Variants in ZC4H2 observed in about 807,000 individuals in gnomAD.
ZC4H2 encodes zinc finger C4H2 domain-containing protein.
For synonymous variants in ZC4H2, 84 were observed against 66.3 expected, an observed-to-expected ratio of 1.27 and a Z score of -1.30; for missense variants, 137 against 173.9, an observed-to-expected ratio of 0.79 and a Z score of 1.19.
At chrX:64,936,529 T>A (rs1248570962) in intron 1 of ZC4H2, among the ~76,000 whole-genome samples, 1 of 111,572 alleles carries the variant, frequency 9.0e-6, no homozygotes, top group African/African-American at 3.3e-5. Flanking sequence ...GAGAGAAAGG[T>A]CGGGTTACCC....
Position 64,951,382 on chromosome X carries a change from T to G in ZC4H2, c.53+24943A>C, listed in dbSNP as rs770307721. Among the ~76,000 whole-genome samples, 194 of 111,848 alleles carry G rather than the reference T, an allele frequency of 1.7e-3. 1 individual carries two copies. The highest frequency in any genetic ancestry group is 6.0e-3 in the African/African-American group (185 of 30,700). ...ATCCCTGAGGAATCGCCACACTGAC[T>G]TCCACAACGGTTGAACTAGTTTACA... On this transcript the variant is annotated intron_variant, in intron 1 of 4. Transcript: ENST00000374839.
At chrX:65,000,214 T>C (rs1366675593) in intron 1 of ZC4H2, among the ~76,000 whole-genome samples, 1 of 111,584 alleles carries the variant, frequency 9.0e-6, no homozygotes, top group African/African-American at 3.3e-5. Flanking sequence ...ATCTGGTGGG[T>C]GCCCCTCTAG....
chrX:64,992,770 G>A (rs769928058), intron 1 of ZC4H2, among the ~76,000 whole-genome samples: 21 of 111,224 alleles, frequency 1.9e-4, no homozygotes, highest in African/African-American at 6.2e-4. Context: ...ATCAAGGCTC[G>A]TCATTCTCCA....
chrX:64,954,238 C>A (rs1161680643), intron 1 of ZC4H2, among the ~76,000 whole-genome samples: 1 of 98,219 alleles, frequency 1.0e-5, no homozygotes, highest in East Asian at 3.1e-4. Context: ...TTAATGGGTG[C>A]AGCACACCTA....
At chrX:64,931,949 G>C (rs1186249300) in intron 1 of ZC4H2, among the ~76,000 whole-genome samples, 1 of 111,733 alleles carries the variant, frequency 8.9e-6, no homozygotes, top group Non-Finnish European at 1.9e-5. Flanking sequence ...TGTAAGTATA[G>C]TATTGAAGTC....
intron 1 of ZC4H2, among the ~76,000 whole-genome samples, chrX:64,927,602 GTGTCTTTATAGTACAATGATT>G (rs1278034559): frequency 8.9e-6 from 1 of 112,158 alleles, no homozygotes; most frequent in Non-Finnish European, 1.9e-5. Flanking sequence ...ATGTGTGCAT[GTGTCTTTATAGTACAATGATT>G]TATAATCCTT....
chrX:64,924,772 T>C (rs780592096), intron 1 of ZC4H2, among the ~76,000 whole-genome samples: 1 of 110,733 alleles, frequency 9.0e-6, no homozygotes, highest in East Asian at 2.9e-4. Context: ...TTAAAGGAAC[T>C]GAGTGAAGAG....
intron 1 of ZC4H2, among the ~76,000 whole-genome samples, chrX:64,946,370 A>G (rs1364143560): frequency 9.0e-6 from 1 of 110,833 alleles, no homozygotes; most frequent in Non-Finnish European, 1.9e-5. Flanking sequence ...GGTCCTTTGC[A>G]CTTCCTGGGT....
chrX:64,948,133 TTC>T (rs1184340022), intron 1 of ZC4H2, among the ~76,000 whole-genome samples: 1 of 111,383 alleles, frequency 9.0e-6, no homozygotes, highest in Non-Finnish European at 1.9e-5. Context: ...CTTGGTTAAG[TTC>T]TCTTTTGGGT....
intron 1 of ZC4H2, among the ~76,000 whole-genome samples, chrX:64,961,301 T>C (rs187300484): frequency 2.0e-4 from 22 of 111,926 alleles, no homozygotes; most frequent in Admixed American, 6.6e-4. Context: ...TTTAACCCTA[T>C]GTATTTTGTT....
intron 1 of ZC4H2, among the ~76,000 whole-genome samples, chrX:64,996,355 C>A (rs1602444750): frequency 9.1e-6 from 1 of 109,379 alleles, no homozygotes; most frequent in Non-Finnish European, 1.9e-5. Context: ...AAAAAAAAAC[C>A]CACCCAACTC....
upstream of ZC4H2, chrX:64,976,454 C>T (rs1931953469): frequency 1.9e-6 from 2 of 1,072,222 alleles, no homozygotes; most frequent in East Asian, 3.0e-5. Context: ...ACAATGTAGC[C>T]ACCTCCTCCG....
chrX:64,954,318 T>TTATATATATATATATATAATTATATA lies in ZC4H2; in HGVS notation c.53+22006_53+22007insTATATAATTATATATATATATATATA, dbSNP rs1931031028. Among the ~76,000 whole-genome samples, 3 of 62,614 alleles carry TTATATATATATATATATAATTATATA rather than the reference T, an allele frequency of 4.8e-5. No homozygotes were observed. In the African/African-American group the frequency reaches 5.6e-4, roughly 12 times the overall value. 54.4% of individuals were successfully genotyped at this position (62,614 alleles called of 115,157 possible). On this transcript the variant is annotated intron_variant, in intron 1 of 4. Transcript: ENST00000374839. ...ATGTACCCTAAAACTTAAAGTATAA[T>TTATATATATATATATATAATTATATA]TATATATATATATATATATAATTAT...
At chrX:64,928,093 GT>G (rs1226439639) in intron 1 of ZC4H2, among the ~76,000 whole-genome samples, 2 of 111,965 alleles carry the variant, frequency 1.8e-5, no homozygotes, top group Admixed American at 1.9e-4. Context: ...TCTGATGATA[GT>G]TTTTTTCGCT....
chrX:65,000,734 G>A (rs1025434991), intron 1 of ZC4H2, among the ~76,000 whole-genome samples: 1 of 112,067 alleles, frequency 8.9e-6, no homozygotes, highest in Non-Finnish European at 1.9e-5. Context: ...GTTTAGAGAA[G>A]AACATGAATG....
At chrX:64,918,908 C>G in intron 4 of ZC4H2, 134 bp downstream of exon 4, 1 of 811,626 alleles carries the variant, frequency 1.2e-6, no homozygotes, top group African/African-American at 2.1e-5. Context: ...GTCACCCCTT[C>G]CACTGTGTCA....
chrX:65,024,564 A>C lies in ZC4H2; in HGVS notation c.-272+10065T>G, dbSNP rs5918914. ...AAAGAATATAGATCATTATATGAAA[A>C]AAACAAACAAACAAACAAACACATG... On this transcript the variant is annotated intron_variant, in intron 1 of 4. Coordinates refer to the ZC4H2 transcript ENST00000337990. 5.8e-3 allele frequency among the ~76,000 whole-genome samples: 649 copies of C among 112,087 alleles called. 3 individuals are homozygous for C. The highest frequency in any genetic ancestry group is 0.01 in the Admixed American group (110 of 10,568).
upstream of ZC4H2, among the ~76,000 whole-genome samples, chrX:64,980,051 G>A (rs1452751730): frequency 1.8e-5 from 2 of 112,189 alleles, no homozygotes; most frequent in Non-Finnish European, 3.8e-5. Flanking sequence ...AGGCAGAGAT[G>A]CAACAACAGT....
At chrX:65,023,981 T>A (rs1050123312) in intron 1 of ZC4H2, among the ~76,000 whole-genome samples, 1 of 111,299 alleles carries the variant, frequency 9.0e-6, no homozygotes, top group Non-Finnish European at 1.9e-5. Context: ...TTGTAAACCA[T>A]CATTCTCAGC....
Sources: gnomAD v4.1 joint callset for allele counts (sites outside exome capture counted in the v4.1 genomes callset) on GRCh38, gnomAD v4.1.1 for gene constraint, MANE v1.5 for transcripts, NCBI Gene and HGNC (gene_info 2026-07-23, HGNC 2026-07-21) for gene names.